The following ESR1 variants were observed in gnomAD, a reference collection of about 807,000 sequenced individuals.
ESR1 encodes estrogen receptor.
Under a neutral mutation model 52.7 loss-of-function variants are expected in ESR1, and 12 were observed. That is an observed-to-expected ratio of 0.23 (90% CI 0.15 to 0.37). ESR1 has a LOEUF of 0.37. ESR1 is among the 10% of genes least tolerant of loss of function. The probability of loss-of-function intolerance (pLI) is 1.00; values close to 1 mark genes in which losing one functional copy is unlikely to be tolerated. For synonymous variants in ESR1, 305 were observed against 316.8 expected, an observed-to-expected ratio of 0.96 and a Z score of 0.39; for missense variants, 584 against 779.7, an observed-to-expected ratio of 0.75 and a Z score of 2.99.
chr6:152,067,953 G>T (rs72993656), intron 6 of ESR1, among the ~76,000 whole-genome samples: 1 of 152,144 alleles, frequency 6.6e-6, no homozygotes, highest in Non-Finnish European at 1.5e-5. Flanking sequence ...ATTGGCAACC[G>T]CACCAAATAT....
intron 6 of ESR1, among the ~76,000 whole-genome samples, chr6:152,123,687 T>C (rs760634402): frequency 2.6e-5 from 4 of 152,156 alleles, no homozygotes; most frequent in African/African-American, 7.2e-5. Context: ...CCATACAACA[T>C]TGAATGAACA....
chr6:152,018,278 T>G (rs1179786678), intron 5 of ESR1, among the ~76,000 whole-genome samples: 1 of 151,652 alleles, frequency 6.6e-6, no homozygotes, highest in Non-Finnish European at 1.5e-5. Flanking sequence ...CATTTTAGGT[T>G]GTTTATTGTA....
At chr6:152,082,253 G>A (rs1341171390) in intron 6 of ESR1, among the ~76,000 whole-genome samples, 1 of 152,116 alleles carries the variant, frequency 6.6e-6, no homozygotes, top group African/African-American at 2.4e-5. Flanking sequence ...ACATCAAAAA[G>A]CCTATCCACC....
intron 4 of ESR1, among the ~76,000 whole-genome samples, chr6:151,978,682 C>G (rs2039694669): frequency 6.6e-6 from 1 of 151,940 alleles, no homozygotes; most frequent in African/African-American, 2.4e-5. Flanking sequence ...TTCTCAATGC[C>G]AACTGAAAAT....
At chr6:152,047,986 T>G (rs3020367) in intron 5 of ESR1, among the ~76,000 whole-genome samples, 5 of 130,398 alleles carry the variant, frequency 3.8e-5, no homozygotes, top group Admixed American at 7.5e-5. Flanking sequence ...TTTTTTTTGG[T>G]TTCCAAGACC....
chr6:151,722,479 C>T (rs1006775309), intron 2 of ESR1, among the ~76,000 whole-genome samples: 5 of 152,168 alleles, frequency 3.3e-5, no homozygotes, highest in African/African-American at 1.2e-4. Context: ...GAAAAACTGT[C>T]CAAAGCTTTG....
intron 6 of ESR1, among the ~76,000 whole-genome samples, chr6:152,082,382 T>C (rs1330202408): frequency 2.0e-5 from 3 of 152,232 alleles, no homozygotes; most frequent in African/African-American, 4.8e-5. Context: ...TCTCAATAGA[T>C]GCAGAAAAGG....
At chr6:151,700,266 C>T (rs138756905) in intron 1 of ESR1, among the ~76,000 whole-genome samples, 3,119 of 152,132 alleles carry the variant, frequency 0.021, 38 homozygotes, top group East Asian at 0.032. Flanking sequence ...GAAAACAAGT[C>T]TTTTTTTATA....
intron 4 of ESR1, among the ~76,000 whole-genome samples, chr6:151,948,387 GT>G (rs1396914650): frequency 6.6e-6 from 1 of 152,148 alleles, no homozygotes; most frequent in East Asian, 1.9e-4. Flanking sequence ...CTAGCCCTGA[GT>G]TTTTTATTGC....
chr6:151,888,558 GT>G (rs1794224796), intron 3 of ESR1, among the ~76,000 whole-genome samples: 2 of 152,202 alleles, frequency 1.3e-5, no homozygotes, highest in East Asian at 1.9e-4. Flanking sequence ...AGTTCTAATA[GT>G]TTTTTGTGTG....
upstream of ESR1, among the ~76,000 whole-genome samples, chr6:151,690,076 A>T (rs1778843173): frequency 6.6e-6 from 1 of 152,228 alleles, no homozygotes; most frequent in Admixed American, 6.5e-5. Context: ...GGTAACAAGA[A>T]GTGCAGAGCG....
chr6:151,986,679 A>G (rs1393200812), intron 4 of ESR1, among the ~76,000 whole-genome samples: 1 of 152,140 alleles, frequency 6.6e-6, no homozygotes, highest in African/African-American at 2.4e-5. Context: ...CTTTTCTGCC[A>G]TATTCTCTTC....
intron 1 of ESR1, among the ~76,000 whole-genome samples, chr6:151,661,851 G>A (rs1421440683): frequency 3.9e-5 from 6 of 152,162 alleles, no homozygotes; most frequent in East Asian, 1.9e-4. Context: ...TATGTAAGAC[G>A]TGCCTTGTTT....
intron 2 of ESR1, among the ~76,000 whole-genome samples, chr6:151,739,057 C>T (rs1782883894): frequency 6.6e-6 from 1 of 152,188 alleles, no homozygotes; most frequent in Non-Finnish European, 1.5e-5. Flanking sequence ...GTAGAGACTT[C>T]TCTATCTTGA....
At chr6:151,671,865 G>A (rs915237246) in intron 1 of ESR1, among the ~76,000 whole-genome samples, 11 of 152,046 alleles carry the variant, frequency 7.2e-5, no homozygotes, top group Admixed American at 1.3e-4. Context: ...GGTGGTGGGT[G>A]CCTGTAATCC....
intron 5 of ESR1, among the ~76,000 whole-genome samples, chr6:152,045,402 CTG>C (rs1368889708): frequency 6.6e-6 from 1 of 152,158 alleles, no homozygotes; most frequent in Admixed American, 6.5e-5. Context: ...GTACTCCACA[CTG>C]TGTTCAGATC....
At chr6:151,972,007 G>A (rs3020323) in intron 4 of ESR1, among the ~76,000 whole-genome samples, 77,490 of 151,904 alleles carry the variant, frequency 0.51, 22,828 homozygotes, top group Middle Eastern at 0.71. Flanking sequence ...AAAAGATATT[G>A]GAAGCTACTA....
intron 6 of ESR1, among the ~76,000 whole-genome samples, chr6:152,074,710 A>G (rs1005915757): frequency 2.0e-4 from 31 of 152,190 alleles, no homozygotes; most frequent in African/African-American, 7.0e-4. Flanking sequence ...TCCACCAACA[A>G]TGAGTGAGAG....
chr6:152,087,106 T>C (rs2049786066), intron 6 of ESR1, among the ~76,000 whole-genome samples: 1 of 152,202 alleles, frequency 6.6e-6, no homozygotes, highest in African/African-American at 2.4e-5. Context: ...GTCTTAGGCT[T>C]TCCCCTTAGT....
Sources: allele counts gnomAD v4.1 joint callset (sites outside exome capture counted in the v4.1 genomes callset), GRCh38; gene constraint gnomAD v4.1.1; transcripts MANE v1.5; gene names NCBI Gene and HGNC (gene_info 2026-07-23, HGNC 2026-07-21).